SEMA5A: variants seen among roughly 807,000 people sequenced by gnomAD.
SEMA5A encodes semaphorin-5A.
A neutral mutation model predicts 135.5 loss-of-function variants in SEMA5A; 55 were observed. The ratio of observed to expected loss-of-function variants is 0.41; its 90% CI spans 0.33 to 0.51. The LOEUF is 0.51. SEMA5A is among the 20% of genes least tolerant of loss of function. The pLI is 0.37. For missense variants in SEMA5A, 1,290 were observed against 1,419.9 expected, an observed-to-expected ratio of 0.91 and a Z score of 1.47; for synonymous variants, 580 against 546.5, an observed-to-expected ratio of 1.06 and a Z score of -0.85.
At chr5:9,251,036 C>T (rs1281146756) in intron 5 of SEMA5A, among the ~76,000 whole-genome samples, 1 of 152,110 alleles carries the variant, frequency 6.6e-6, no homozygotes, top group Non-Finnish European at 1.5e-5. Context: ...GTCTTGAGAG[C>T]TCTGTCCTAC....
At chr5:9,152,896 AC>A (rs1742707505) in intron 12 of SEMA5A, among the ~76,000 whole-genome samples, 1 of 152,106 alleles carries the variant, frequency 6.6e-6, no homozygotes. Flanking sequence ...ACATGGTGAA[AC>A]CCTGTCTCTA....
intron 11 of SEMA5A, among the ~76,000 whole-genome samples, chr5:9,163,402 T>G (rs1743406145): frequency 6.6e-6 from 1 of 152,234 alleles, no homozygotes; most frequent in Admixed American, 6.5e-5. Context: ...TGGTGAAAAA[T>G]TAACCATGTT....
chr5:9,312,373 GTC>G (rs1752180514), intron 5 of SEMA5A, among the ~76,000 whole-genome samples: 1 of 149,260 alleles, frequency 6.7e-6, no homozygotes, highest in Non-Finnish European at 1.5e-5. Flanking sequence ...AATTATCACA[GTC>G]TCTGAGCAAA....
chr5:9,330,086 T>C (rs1280116336), intron 4 of SEMA5A, among the ~76,000 whole-genome samples: 1 of 151,822 alleles, frequency 6.6e-6, no homozygotes, highest in East Asian at 1.9e-4. Context: ...TATAACTAAA[T>C]AGATAACTGT....
At chr5:9,417,106 T>G (rs943629439) in intron 2 of SEMA5A, among the ~76,000 whole-genome samples, 2 of 152,250 alleles carry the variant, frequency 1.3e-5, no homozygotes, top group Non-Finnish European at 2.9e-5. Context: ...CTCTTTATTC[T>G]GCCATGCAGA....
chr5:9,519,101 A>C (rs1422409846), intron 1 of SEMA5A, among the ~76,000 whole-genome samples: 2 of 152,164 alleles, frequency 1.3e-5, no homozygotes, highest in Admixed American at 6.5e-5. Flanking sequence ...GTTTGTGGTG[A>C]GTTTTCTTCC....
In SEMA5A at chr5:9,048,082, C is replaced by CTT. The variant is rs143070766; in HGVS notation, c.2893+2326_2893+2327dup. On this transcript the variant is annotated intron_variant, in intron 21 of 22. Coordinates refer to ENST00000382496, the MANE Select transcript of SEMA5A (RefSeq NM_003966.3). ...CATGGCCTCCCTGAGAATGGGAACA[C>CTT]TTATAAACTCTGCTCCACTCTTGAC... is the stretch of plus-strand genomic sequence containing the variant. 5.2e-3 allele frequency among the ~76,000 whole-genome samples: 792 copies of CTT among 151,504 alleles called. 13 individuals carry two copies. The highest frequency in any genetic ancestry group is 0.019 in the African/African-American group (766 of 41,274).
chr5:9,132,361 A>G (rs1351603210), intron 13 of SEMA5A, among the ~76,000 whole-genome samples: 1 of 152,138 alleles, frequency 6.6e-6, no homozygotes. Context: ...AATCCTGAAG[A>G]GGTGATTAGG....
chr5:9,157,879 T>C (rs1429633112), intron 11 of SEMA5A, among the ~76,000 whole-genome samples: 2 of 152,246 alleles, frequency 1.3e-5, no homozygotes, highest in Non-Finnish European at 2.9e-5. Flanking sequence ...AGGAGGACAA[T>C]AGCAGGACCC....
In SEMA5A at chr5:9,122,857, A is replaced by G. The variant is rs762596447; in HGVS notation, c.1600-20T>C. On this transcript the variant is annotated intron_variant, in intron 13 of 22. Transcript: ENST00000382496. ...CCTGGTCTAGGAAGCAAAACCAAGC[A>G]GAGGTGTCAGAAAAGGTTAAAGCTG... 1 of 1,572,298 alleles carries G rather than the reference A, an allele frequency of 6.4e-7. No individual in the cohort carries two copies. The highest frequency in any genetic ancestry group is 1.2e-5 in the South Asian group (1 of 86,264).
intron 11 of SEMA5A, among the ~76,000 whole-genome samples, chr5:9,177,931 C>A (rs1264304047): frequency 1.3e-5 from 2 of 152,164 alleles, no homozygotes; most frequent in African/African-American, 4.8e-5. Flanking sequence ...TCAGTTCTAT[C>A]TCTGATATCC....
At chr5:9,419,727 C>T (rs1364601708) in intron 2 of SEMA5A, among the ~76,000 whole-genome samples, 5 of 152,092 alleles carry the variant, frequency 3.3e-5, no homozygotes, top group African/African-American at 1.2e-4. Flanking sequence ...AAATGACACC[C>T]AAATAACTCC....
intron 10 of SEMA5A, among the ~76,000 whole-genome samples, chr5:9,193,010 C>T (rs1316599335): frequency 6.6e-6 from 1 of 151,986 alleles, no homozygotes; most frequent in Non-Finnish European, 1.5e-5. Context: ...CTCGCTACGC[C>T]TTGTCATCTT....
In SEMA5A at chr5:9,202,191, A is replaced by G; in HGVS notation, c.696T>C (p.Phe232=). The G allele has an allele frequency of 6.2e-7, 1 of 1,614,128 alleles. No individual in the cohort carries two copies. The highest frequency in any genetic ancestry group is 8.5e-7 in the Non-Finnish European group (1 of 1,180,002). Residue 232 remains phenylalanine (F), a synonymous_variant, in exon 9 of 23, where the codon TTT becomes TTC. Transcript: ENST00000382496. Reference sequence around the variant, plus strand: ...CATGCTCTACTGCATTTTCTCGGAAAAAGAAGTAGGTAAAATTTCCGATGT... The same window carrying G: ...CATGCTCTACTGCATTTTCTCGGAAGAAGAAGTAGGTAAAATTTCCGATGT... ...SYDIGNFTYF[F]FRENAVEHDC...
intron 16 of SEMA5A, among the ~76,000 whole-genome samples, chr5:9,089,471 C>T (rs1738913709): frequency 6.6e-6 from 1 of 152,056 alleles, no homozygotes; most frequent in Non-Finnish European, 1.5e-5. Context: ...CAGCATGGCA[C>T]CTTTCACCAA....
intron 5 of SEMA5A, among the ~76,000 whole-genome samples, chr5:9,283,867 A>G (rs3797974): frequency 0.41 from 62,334 of 152,022 alleles, 13,055 homozygotes; most frequent in South Asian, 0.47. Flanking sequence ...CTCTCCAGTG[A>G]CTGTTCCCAA....
chr5:9,223,232 A>T (rs1747100610), intron 8 of SEMA5A, among the ~76,000 whole-genome samples: 1 of 152,224 alleles, frequency 6.6e-6, no homozygotes, highest in African/African-American at 2.4e-5. Context: ...CATTTAGTTT[A>T]CTTGAGAAAG....
intron 2 of SEMA5A, among the ~76,000 whole-genome samples, chr5:9,424,327 G>A (rs1331592589): frequency 1.3e-5 from 2 of 152,216 alleles, no homozygotes; most frequent in Non-Finnish European, 2.9e-5. Context: ...CTCAAGAGGA[G>A]AATTACCTTT....
At chr5:9,504,172 G>T (rs1333523391) in intron 1 of SEMA5A, among the ~76,000 whole-genome samples, 1 of 136,604 alleles carries the variant, frequency 7.3e-6, no homozygotes, top group Non-Finnish European at 1.5e-5. Context: ...CCAAGGTCAC[G>T]CCACTCCACT....
Sources: gnomAD v4.1 joint callset for allele counts (sites outside exome capture counted in the v4.1 genomes callset) on GRCh38, gnomAD v4.1.1 for gene constraint, MANE v1.5 for transcripts, NCBI Gene and HGNC (gene_info 2026-07-23, HGNC 2026-07-21) for gene names.